CATSPERD: variants seen among roughly 807,000 people sequenced by gnomAD.
CATSPERD encodes cation channel sperm-associated auxiliary subunit delta.
In CATSPERD, 86 loss-of-function variants were observed where a neutral mutation model predicts 98.1. The ratio of observed to expected loss-of-function variants is 0.88; its 90% CI spans 0.74 to 1.05. The LOEUF (loss-of-function observed/expected upper bound fraction) is 1.05, where lower values mean the gene tolerates loss of function less well. Ranked by LOEUF, CATSPERD falls within the 50% of genes least tolerant of loss-of-function variation. CATSPERD has a pLI of 0.00. For missense variants in CATSPERD, 995 were observed against 1,005.7 expected (o/e 0.99, Z 0.14); for synonymous variants, 394 against 390.2 (o/e 1.01, Z -0.12).
intron 8 of CATSPERD, 42 bp from the exon 9 acceptor site, chr19:5,745,871 G>A (rs2056082546): frequency 3.1e-6 from 5 of 1,607,078 alleles, no homozygotes; most frequent in Non-Finnish European, 4.3e-6. Context: ...GGACTCCACA[G>A]TAGGGTTTGG....
In CATSPERD at chr19:5,739,455, T is replaced by C; in HGVS notation, c.573+16T>C. The C allele has an allele frequency of 2.2e-6, 3 of 1,352,014 alleles. No individual in the cohort carries two copies. The highest frequency in any genetic ancestry group is 3.1e-6 in the Non-Finnish European group (3 of 962,562). 83.8% of individuals were successfully genotyped at this position (1,352,014 alleles called of 1,614,324 possible). Reference sequence around the variant, plus strand: ...TGACAGACAGGTATGTTAAATTTGGTAAGAATGTGAAAATAAATACATATG... The same window carrying C: ...TGACAGACAGGTATGTTAAATTTGGCAAGAATGTGAAAATAAATACATATG... On this transcript the variant is annotated intron_variant, in intron 7 of 21. Transcript: ENST00000381624.
rs56352544 is a variant in CATSPERD at position 5,763,847 on chromosome 19, C to CTTTTTTTTTTTTT, written c.1506+560_1506+572dup. Among the ~76,000 whole-genome samples, 213 of 62,116 alleles carry CTTTTTTTTTTTTT rather than the reference C, an allele frequency of 3.4e-3. 39 individuals carry two copies. The highest frequency in any genetic ancestry group is 8.9e-3 in the East Asian group (18 of 2,014). 40.8% of individuals were successfully genotyped at this position (62,116 alleles called of 152,430 possible). A position where few individuals can be genotyped will look rare whatever the true frequency, so the allele number is the denominator to read the frequency against. On this transcript the variant is annotated intron_variant, in intron 16 of 21. Coordinates refer to ENST00000381624, the MANE Select transcript of CATSPERD (RefSeq NM_152784.4). Reference sequence around the variant, plus strand: ...TGTTGGCCAGGCTGGTCTTGAACTCCTTTTTTTTTTTTTTTTTTGACATGG... The same window carrying CTTTTTTTTTTTTT: ...TGTTGGCCAGGCTGGTCTTGAACTCCTTTTTTTTTTTTTTTTTTTTTTTTTTTTTTTGACATGG...
chr19:5,725,308 T>C (rs992989051), intron 2 of CATSPERD, among the ~76,000 whole-genome samples: 22 of 152,096 alleles, frequency 1.4e-4, no homozygotes, highest in African/African-American at 5.1e-4. Flanking sequence ...TGTGCCACCA[T>C]GCGCAGCTAA....
In CATSPERD at chr19:5,750,406, A is replaced by G. The variant is rs190989692; in HGVS notation, c.987+1223A>G. Among the ~76,000 whole-genome samples the G allele has an allele frequency of 5.8e-5, 8 of 138,146 alleles. No homozygotes were observed. In the East Asian group the frequency reaches 7.5e-4, roughly 13 times the overall value. The allele number at this position is 138,146 out of a possible 152,430, so 90.6% of individuals were successfully genotyped here. ...GCGGAGCTTGCAGTGAGCAGAGATC[A>G]AGCCACTGCACTCTAGCCTGGGTGA... On this transcript the variant is annotated intron_variant, in intron 11 of 21. Coordinates refer to ENST00000381624, the MANE Select transcript of CATSPERD (RefSeq NM_152784.4).
intron 8 of CATSPERD, among the ~76,000 whole-genome samples, chr19:5,744,934 T>G (rs976292029): frequency 6.6e-6 from 1 of 151,692 alleles, no homozygotes; most frequent in Non-Finnish European, 1.5e-5. Flanking sequence ...CATTTTAAAA[T>G]AGTATCTTTT....
rs867900976 is a variant in CATSPERD at position 5,749,423 on chromosome 19, C to T, written c.987+240C>T. Among the ~76,000 whole-genome samples, 4 of 151,976 alleles carry T rather than the reference C, an allele frequency of 2.6e-5. No homozygotes were observed. The South Asian group carries it at 6.2e-4, about 24-fold the overall frequency. ...AGGAGAATCGCTTGAGCCTGGAAGG[C>T]AGAGTAAGACTCTGTCTCAACAACA... On this transcript the variant is annotated intron_variant, in intron 11 of 21. Coordinates refer to ENST00000381624, the MANE Select transcript of CATSPERD (RefSeq NM_152784.4).
rs1174119714 is a variant in CATSPERD at position 5,720,722 on chromosome 19, G to A, written c.-16G>A. 6.2e-7 allele frequency: 1 copy of A among 1,605,122 alleles called. No homozygotes were observed. The highest frequency in any genetic ancestry group is 1.7e-5 in the Admixed American group (1 of 59,854). ...TGGCGGTTGAGGGGCAGTGGTGGCG[G>A]CGGAAGCCCAAGTCGATGCTGATGT... On this transcript the variant is annotated 5_prime_UTR_variant, in exon 1 of 22. Coordinates refer to ENST00000381624, the MANE Select transcript of CATSPERD (RefSeq NM_152784.4).
rs1262568776 is a variant in CATSPERD, at chr19:5,748,607, C to T, written c.904+352C>T. Among the ~76,000 whole-genome samples the T allele has an allele frequency of 4.0e-5, 5 of 124,268 alleles. No homozygotes were observed. The East Asian group carries it at 7.1e-4, about 18-fold the overall frequency. 81.5% of individuals were successfully genotyped at this position (124,268 alleles called of 152,430 possible). On this transcript the variant is annotated intron_variant, in intron 10 of 21. Transcript: ENST00000381624. Reference sequence around the variant, plus strand: ...TCGCACCATGGCACTCCAGCCTGGGCGACACAGTGAGACTCCAAAAAAAAA... The same window carrying T: ...TCGCACCATGGCACTCCAGCCTGGGTGACACAGTGAGACTCCAAAAAAAAA...
intron 15 of CATSPERD, among the ~76,000 whole-genome samples, chr19:5,761,041 TG>T (rs2056423902): frequency 2.9e-5 from 2 of 68,308 alleles, no homozygotes; most frequent in Non-Finnish European, 8.5e-5. Context: ...GTTTTGTTTT[TG>T]TTTTTTTTTT....
In CATSPERD at chr19:5,724,802, T is replaced by G. The variant is rs762876009; in HGVS notation, c.72-6T>G. On this transcript the variant is annotated splice_region_variant and splice_polypyrimidine_tract_variant and intron_variant, in intron 1 of 21. Transcript: ENST00000381624. ...ATTGACAGATGGTCTTTCTTGTCAC[T>G]TCTAGTTCTCGCACAGTGAGGACAG... 6.2e-7 allele frequency: 1 copy of G among 1,613,706 alleles called. No individual in the cohort carries two copies. Among genetic ancestry groups the G allele is most frequent in the Admixed American group, 1.7e-5 (1 of 59,988 alleles).
intron 11 of CATSPERD, among the ~76,000 whole-genome samples, chr19:5,750,312 C>CATG (rs2056184128): frequency 6.0e-5 from 9 of 149,918 alleles, no homozygotes; most frequent in South Asian, 2.1e-4. Flanking sequence ...ATTAGCCGGG[C>CATG]GTGGTGGCGG....
intron 20 of CATSPERD, among the ~76,000 whole-genome samples, chr19:5,775,871 GA>G (rs1416842763): frequency 1.3e-5 from 2 of 152,114 alleles, no homozygotes. Context: ...GCTTTTATGA[GA>G]AAGTTTGCTG....
intron 20 of CATSPERD, among the ~76,000 whole-genome samples, chr19:5,774,656 T>C (rs908285427): frequency 2.0e-5 from 3 of 152,026 alleles, no homozygotes; most frequent in Non-Finnish European, 2.9e-5. Flanking sequence ...ACCACTGCAC[T>C]CCGGCCTGGG....
chr19:5,727,427 AAAG>A, intron 3 of CATSPERD, 83 bp downstream of exon 3: 2 of 1,044,150 alleles, frequency 1.9e-6, no homozygotes, highest in South Asian at 2.6e-5. Context: ...AACAAACAGT[AAAG>A]AAGATGGCTC....
At position 5,768,215 on chromosome 19, in the gene CATSPERD, A is replaced by G. The variant is rs1173440958; in HGVS notation, c.1607A>G (p.Gln536Arg). The change falls in exon 18 of 22, where the codon CAA becomes CGA. Residue 536 changes from glutamine to arginine, a missense_variant. This residue lies in a region of CATSPERD where 762 missense variants were observed against 773.7 expected (regional missense o/e 0.98). Transcript: ENST00000381624. ...SMGILDPLTL[Q>R]DNYSFIIEKE... ...GGCATCCTGGACCCCTTGACCCTGC[A>G]AGACAATTACAGCTTCATCATCGAG... 2 of 1,613,610 alleles carry G rather than the reference A, an allele frequency of 1.2e-6. No homozygotes were observed. Among genetic ancestry groups the G allele is most frequent in the African/African-American group, 2.7e-5 (2 of 74,894 alleles).
intron 11 of CATSPERD, 24 bp from the exon 12 acceptor site, chr19:5,751,623 T>C: frequency 1.4e-6 from 2 of 1,440,222 alleles, no homozygotes; most frequent in South Asian, 1.4e-5. Flanking sequence ...AATGATTAGA[T>C]CTCAGGAATC....
At chr19:5,741,322 C>T (rs924575787) in intron 7 of CATSPERD, among the ~76,000 whole-genome samples, 5 of 151,978 alleles carry the variant, frequency 3.3e-5, no homozygotes, top group Non-Finnish European at 7.4e-5. Flanking sequence ...TATCTGAGAC[C>T]GAGTAATTTA....
intron 13 of CATSPERD, among the ~76,000 whole-genome samples, chr19:5,757,387 T>C (rs1382206311): frequency 1.3e-5 from 2 of 149,036 alleles, no homozygotes; most frequent in Non-Finnish European, 3.0e-5. Flanking sequence ...AACTTTTGCC[T>C]CCTGGGTTCA....
intron 4 of CATSPERD, among the ~76,000 whole-genome samples, chr19:5,732,664 TG>T (rs1265504635): frequency 6.6e-6 from 1 of 151,666 alleles, no homozygotes; most frequent in Admixed American, 6.6e-5. Context: ...TGGTGTTTTT[TG>T]TTTTGTTTTG....
Sources: allele counts gnomAD v4.1 joint callset (sites outside exome capture counted in the v4.1 genomes callset), GRCh38; gene constraint gnomAD v4.1.1; regional missense constraint gnomAD v4.1.1; transcripts MANE v1.5; gene names NCBI Gene and HGNC (gene_info 2026-07-23, HGNC 2026-07-21).